Variants in DIAPH2 observed in about 807,000 individuals in gnomAD.
DIAPH2 encodes diaphanous related formin 2.
Under a neutral mutation model 92.7 loss-of-function variants are expected in DIAPH2, and 35 were observed. That is an observed-to-expected ratio of 0.38 (90% CI 0.29 to 0.50). The LOEUF (loss-of-function observed/expected upper bound fraction) is 0.50. DIAPH2 is among the 20% of genes least tolerant of loss of function. The pLI is 0.94. For synonymous variants in DIAPH2, 301 were observed against 280.4 expected (o/e 1.07, Z -0.73); for missense variants, 701 against 819.5 (o/e 0.86, Z 1.77).
chrX:96,816,039 T>C (rs1194868876), intron 4 of DIAPH2, among the ~76,000 whole-genome samples: 2 of 111,948 alleles, frequency 1.8e-5, no homozygotes, highest in Non-Finnish European at 3.8e-5. Flanking sequence ...TTTTTTTTGA[T>C]GAGTTTGACT....
chrX:96,789,129 G>C (rs2064480943), intron 4 of DIAPH2, among the ~76,000 whole-genome samples: 1 of 112,019 alleles, frequency 8.9e-6, no homozygotes. Flanking sequence ...GAGTTTGGAG[G>C]AATCTACTGG....
chrX:96,816,233 T>C (rs1253612172), intron 4 of DIAPH2, among the ~76,000 whole-genome samples: 2 of 112,240 alleles, frequency 1.8e-5, no homozygotes, highest in Non-Finnish European at 3.8e-5. Context: ...CATCCATCTA[T>C]GGACATTTAG....
At chrX:96,938,228 G>A (rs2065670889) in intron 11 of DIAPH2, among the ~76,000 whole-genome samples, 1 of 111,363 alleles carries the variant, frequency 9.0e-6, no homozygotes, top group Admixed American at 9.6e-5. Context: ...TTCCTTCAAT[G>A]CATCTATGAA....
intron 26 of DIAPH2, among the ~76,000 whole-genome samples, chrX:97,524,470 A>T (rs1293083013): frequency 8.9e-6 from 1 of 112,250 alleles, no homozygotes; most frequent in Non-Finnish European, 1.9e-5. Context: ...ACTTAACAAC[A>T]TATATTCTTC....
intron 17 of DIAPH2, among the ~76,000 whole-genome samples, chrX:96,971,392 A>G (rs1455135097): frequency 9.0e-6 from 1 of 111,496 alleles, no homozygotes; most frequent in Non-Finnish European, 1.9e-5. Context: ...GCACATTGGT[A>G]TCCCTTTCAT....
intron 1 of DIAPH2, among the ~76,000 whole-genome samples, chrX:96,723,905 G>C (rs1451947871): frequency 3.0e-5 from 3 of 101,093 alleles, no homozygotes; most frequent in Non-Finnish European, 6.0e-5. Flanking sequence ...CCCCATAAGA[G>C]TGATTCTATA....
chrX:96,707,936 A>G (rs139221653), intron 1 of DIAPH2, among the ~76,000 whole-genome samples: 18 of 111,509 alleles, frequency 1.6e-4, no homozygotes, highest in African/African-American at 5.5e-4. Context: ...CTTTGGGAAC[A>G]TGTTATGAAT....
At chrX:97,543,319 A>G (rs1340058755) in intron 26 of DIAPH2, among the ~76,000 whole-genome samples, 1 of 111,741 alleles carries the variant, frequency 8.9e-6, no homozygotes, top group East Asian at 2.8e-4. Context: ...CATTACTTGT[A>G]CTGCATTCTG....
intron 23 of DIAPH2, among the ~76,000 whole-genome samples, chrX:97,343,802 A>G (rs982881349): frequency 2.7e-5 from 3 of 111,805 alleles, no homozygotes; most frequent in African/African-American, 9.7e-5. Context: ...TAAATGTGTC[A>G]TATGCTGCTG....
chrX:97,468,638 GAA>G (rs10534345), intron 26 of DIAPH2, among the ~76,000 whole-genome samples: 40,440 of 89,505 alleles, frequency 0.45, 7,602 homozygotes, highest in Non-Finnish European at 0.56. Context: ...AGGTCTTTGT[GAA>G]AAAAAAAAAA....
chrX:97,294,918 C>G (rs1036374841), intron 23 of DIAPH2, among the ~76,000 whole-genome samples: 5 of 111,219 alleles, frequency 4.5e-5, no homozygotes, highest in African/African-American at 1.6e-4. Flanking sequence ...TCTTCATTTC[C>G]CTTGGCTGTC....
At chrX:97,580,811 G>A (rs2071434748) in intron 26 of DIAPH2, among the ~76,000 whole-genome samples, 2 of 109,817 alleles carry the variant, frequency 1.8e-5, no homozygotes, top group African/African-American at 6.7e-5. Context: ...GACTCTTTTT[G>A]GTTGGTAAGC....
intron 25 of DIAPH2, among the ~76,000 whole-genome samples, chrX:97,420,708 G>A (rs1404353369): frequency 9.0e-6 from 1 of 111,693 alleles, no homozygotes; most frequent in East Asian, 2.8e-4. Context: ...ATGTTTTTCT[G>A]TTTTGTTTTA....
At chrX:97,060,055 C>T (rs937438672) in intron 17 of DIAPH2, among the ~76,000 whole-genome samples, 2 of 112,630 alleles carry the variant, frequency 1.8e-5, no homozygotes, top group African/African-American at 6.4e-5. Flanking sequence ...TTTATTACAA[C>T]ACTTTTGTTC....
intron 3 of DIAPH2, among the ~76,000 whole-genome samples, chrX:96,755,561 G>A (rs764225218): frequency 1.2e-4 from 13 of 110,915 alleles, no homozygotes; most frequent in African/African-American, 1.6e-4. Flanking sequence ...GCTGAGGGAG[G>A]AGAATCACTT....
intron 22 of DIAPH2, among the ~76,000 whole-genome samples, chrX:97,170,903 G>T (rs1435261398): frequency 9.2e-6 from 1 of 108,845 alleles, no homozygotes; most frequent in African/African-American, 3.3e-5. Context: ...TTGAGATGGA[G>T]TCTCGCTCTG....
chrX:96,839,399 T>C (rs1707244809), intron 4 of DIAPH2, among the ~76,000 whole-genome samples: 1 of 111,357 alleles, frequency 9.0e-6, no homozygotes, highest in Non-Finnish European at 1.9e-5. Context: ...CTCCTATGAC[T>C]AAAATGTCCT....
At chrX:96,722,070 T>C (rs746177868) in intron 1 of DIAPH2, among the ~76,000 whole-genome samples, 2 of 111,907 alleles carry the variant, frequency 1.8e-5, no homozygotes, top group South Asian at 7.5e-4. Flanking sequence ...TTAAAGAGAC[T>C]CTTGGCCGGG....
At chrX:96,802,984 C>A (rs770330571) in intron 4 of DIAPH2, among the ~76,000 whole-genome samples, 1 of 111,142 alleles carries the variant, frequency 9.0e-6, no homozygotes, top group South Asian at 3.9e-4. Flanking sequence ...AGATGATGGC[C>A]GGACGACTCC....
Sources: gnomAD v4.1 joint callset for allele counts (sites outside exome capture counted in the v4.1 genomes callset) on GRCh38, gnomAD v4.1.1 for gene constraint, MANE v1.5 for transcripts, NCBI Gene and HGNC (gene_info 2026-07-23, HGNC 2026-07-21) for gene names.